THSD4: variants seen among roughly 807,000 people sequenced by gnomAD.
THSD4 encodes thrombospondin type 1 domain containing 4, also known as thrombospondin type-1 domain-containing protein 4.
THSD4 carries 69 observed loss-of-function variants against 119.0 expected under a neutral mutation model. That is an observed-to-expected ratio of 0.58 (90% CI 0.48 to 0.71). The LOEUF (loss-of-function observed/expected upper bound fraction) is 0.71. THSD4 is among the 30% of genes least tolerant of loss of function. The probability of loss-of-function intolerance (pLI) is 0.00; values close to 1 mark genes in which losing one functional copy is unlikely to be tolerated. For synonymous variants in THSD4, 524 were observed against 540.4 expected, an observed-to-expected ratio of 0.97 and a Z score of 0.42; for missense variants, 1,393 against 1,391.1, an observed-to-expected ratio of 1.00 and a Z score of -0.02.
chr15:71,388,120 G>A (rs924669241), intron 6 of THSD4, among the ~76,000 whole-genome samples: 1 of 152,188 alleles, frequency 6.6e-6, no homozygotes, highest in Non-Finnish European at 1.5e-5. Flanking sequence ...ACTTTAACAA[G>A]AACTTACTTT....
intron 6 of THSD4, among the ~76,000 whole-genome samples, chr15:71,410,072 T>G (rs942379177): frequency 7.9e-5 from 12 of 152,210 alleles, no homozygotes; most frequent in African/African-American, 2.9e-4. Context: ...TGTGCCAGGC[T>G]TGGTGTGAAG....
chr15:71,332,846 G>A (rs1165251694), intron 6 of THSD4, among the ~76,000 whole-genome samples: 5 of 141,596 alleles, frequency 3.5e-5, no homozygotes, highest in East Asian at 4.2e-4. Context: ...GGCTCAAGAC[G>A]GAATGTAAAT....
intron 1 of THSD4, among the ~76,000 whole-genome samples, chr15:71,140,069 G>A (rs1172697745): frequency 1.3e-5 from 2 of 152,212 alleles, no homozygotes; most frequent in Non-Finnish European, 2.9e-5. Flanking sequence ...TAGTATTTAT[G>A]GGCGAGAGAT....
chr15:71,397,033 C>T (rs2046463240), intron 6 of THSD4, among the ~76,000 whole-genome samples: 1 of 152,170 alleles, frequency 6.6e-6, no homozygotes, highest in Admixed American at 6.5e-5. Context: ...TGGCACTTCC[C>T]AGGACTCTAG....
chr15:71,462,906 A>G (rs1033495936), intron 7 of THSD4, among the ~76,000 whole-genome samples: 6 of 152,246 alleles, frequency 3.9e-5, no homozygotes, highest in Admixed American at 2.0e-4. Flanking sequence ...TTAACAGGAC[A>G]GAGTTGAGTG....
At chr15:71,507,688 A>G (rs897934555) in intron 7 of THSD4, among the ~76,000 whole-genome samples, 4 of 152,126 alleles carry the variant, frequency 2.6e-5, no homozygotes, top group African/African-American at 9.7e-5. Context: ...GAAGGCAAAG[A>G]CCAAATCTTT....
At chr15:71,260,824 G>C (rs1376819932) in intron 6 of THSD4, among the ~76,000 whole-genome samples, 1 of 152,206 alleles carries the variant, frequency 6.6e-6, no homozygotes, top group East Asian at 1.9e-4. Flanking sequence ...CCCTAGGCCA[G>C]GTGCGGTGGC....
intron 10 of THSD4, among the ~76,000 whole-genome samples, chr15:71,734,523 AG>A (rs1282954557): frequency 6.6e-6 from 1 of 152,156 alleles, no homozygotes; most frequent in Non-Finnish European, 1.5e-5. Flanking sequence ...TGGAACAGGG[AG>A]GATTTCAGGG....
At chr15:71,152,987 A>G (rs1296411277) in intron 2 of THSD4, among the ~76,000 whole-genome samples, 1 of 152,126 alleles carries the variant, frequency 6.6e-6, no homozygotes, top group Non-Finnish European at 1.5e-5. Flanking sequence ...ATGGTGCTAA[A>G]ACATAACATC....
At chr15:71,390,035 C>A (rs569400615) in intron 6 of THSD4, among the ~76,000 whole-genome samples, 1 of 152,142 alleles carries the variant, frequency 6.6e-6, no homozygotes, top group African/African-American at 2.4e-5. Context: ...GAACTCCTGA[C>A]TTTGTGATCC....
chr15:71,583,778 T>C (rs1198634412), intron 7 of THSD4, among the ~76,000 whole-genome samples: 1 of 152,222 alleles, frequency 6.6e-6, no homozygotes, highest in Non-Finnish European at 1.5e-5. Context: ...ATACTTGATA[T>C]AATTACACTC....
At chr15:71,622,835 G>A (rs979816467) in intron 7 of THSD4, among the ~76,000 whole-genome samples, 13 of 152,234 alleles carry the variant, frequency 8.5e-5, no homozygotes, top group African/African-American at 1.4e-4. Context: ...GTTAGGGTAA[G>A]TGAAGGCTCA....
At chr15:71,632,780 G>A (rs572133833) in intron 7 of THSD4, among the ~76,000 whole-genome samples, 53 of 152,268 alleles carry the variant, frequency 3.5e-4, no homozygotes, top group South Asian at 2.3e-3. Flanking sequence ...CTCATTTAGG[G>A]TCTTGTTTAT....
chr15:71,388,663 A>AGT lies in THSD4; in HGVS notation c.1016-22995_1016-22994dup, dbSNP rs55923750. ...AGTATTGATTTGATTCTTTGGAGAG[A>AGT]GTGTGTGTGTGTGTGTGTGTGTGTG... is the stretch of plus-strand genomic sequence containing the variant. On this transcript the variant is annotated intron_variant, in intron 6 of 17. Coordinates refer to ENST00000261862, the MANE Select transcript of THSD4 (RefSeq NM_024817.3). Among the ~76,000 whole-genome samples the AGT allele has an allele frequency of 6.1e-3, 818 of 134,218 alleles. 13 individuals are homozygous for AGT. The highest frequency in any genetic ancestry group is 0.019 in the East Asian group (89 of 4,648). 88.1% of individuals were successfully genotyped at this position (134,218 alleles called of 152,430 possible). A position where few individuals can be genotyped will look rare whatever the true frequency, so the allele number is the denominator to read the frequency against.
intron 5 of THSD4, among the ~76,000 whole-genome samples, chr15:71,250,764 A>G (rs2044251282): frequency 6.6e-6 from 1 of 152,222 alleles, no homozygotes. Flanking sequence ...AAATAGGCCT[A>G]GATTTGAAGG....
rs922441262 is a variant in THSD4, at chr15:71,783,370, C to G, written c.*5996C>G. On this transcript the variant is annotated 3_prime_UTR_variant, in exon 18 of 18. Transcript: ENST00000261862. The stretch of plus-strand genomic sequence containing the variant: ...CTAAAAAGAAGAGTCAGACAATAAA[C>G]TGGTTGAAATATCTGCTTTGTTGAC... The G allele has an allele frequency of 6.6e-6, 1 of 152,044 alleles. No homozygotes were observed. Among genetic ancestry groups the G allele is most frequent in the Non-Finnish European group, 1.5e-5 (1 of 68,028 alleles). The allele number at this position is 152,044 out of a possible 1,614,324, so 9.4% of individuals were successfully genotyped here.
At chr15:71,227,565 A>G (rs1160213769) in intron 4 of THSD4, among the ~76,000 whole-genome samples, 1 of 152,144 alleles carries the variant, frequency 6.6e-6, no homozygotes, top group Non-Finnish European at 1.5e-5. Flanking sequence ...AATCACAGCC[A>G]TTTTTGCAGG....
chr15:71,680,170 G>A (rs1469528903), intron 8 of THSD4, among the ~76,000 whole-genome samples: 1 of 152,182 alleles, frequency 6.6e-6, no homozygotes, highest in African/African-American at 2.4e-5. Context: ...TTGCATTTGA[G>A]ATAAGCTAAA....
At chr15:71,747,937 C>T (rs1223240967) in intron 13 of THSD4, among the ~76,000 whole-genome samples, 1 of 152,244 alleles carries the variant, frequency 6.6e-6, no homozygotes, top group Admixed American at 6.5e-5. Context: ...GGCAGAGGTG[C>T]ATGACTTAAC....
Sources: allele counts gnomAD v4.1 joint callset (sites outside exome capture counted in the v4.1 genomes callset), GRCh38; gene constraint gnomAD v4.1.1; transcripts MANE v1.5; gene names NCBI Gene and HGNC (gene_info 2026-07-23, HGNC 2026-07-21).